DCDC2C: variants seen among roughly 807,000 people sequenced by gnomAD.
DCDC2C encodes the protein doublecortin domain containing 2C, also known as doublecortin domain-containing protein 2C.
Under a neutral mutation model 45.0 loss-of-function variants are expected in DCDC2C, and 44 were observed. The observed-to-expected ratio is 0.98, with a 90% CI of 0.77 to 1.26. The LOEUF (loss-of-function observed/expected upper bound fraction) is 1.26, where lower values mean the gene tolerates loss of function less well. Among genes scored for constraint, DCDC2C ranks in the 50% most tolerant of loss-of-function variants. The probability of loss-of-function intolerance (pLI) is 0.00; values close to 1 mark genes in which losing one functional copy is unlikely to be tolerated. For synonymous variants in DCDC2C, 187 were observed against 178.8 expected (o/e 1.05, Z -0.37); for missense variants, 447 against 468.9 (o/e 0.95, Z 0.43).
At chr2:3,836,582 G>A (rs566187899) in intron 10 of DCDC2C, among the ~76,000 whole-genome samples, 1 of 152,122 alleles carries the variant, frequency 6.6e-6, no homozygotes, top group South Asian at 2.1e-4. Flanking sequence ...ACACTGGTCG[G>A]CGGGGCGCGG....
chr2:3,704,147 G>T, intron 1 of DCDC2C, 109 bp downstream of exon 1: 7 of 1,036,176 alleles, frequency 6.8e-6, no homozygotes, highest in Non-Finnish European at 7.4e-6. Flanking sequence ...TTCCCTCCCG[G>T]CTCGGGCGCC....
intron 3 of DCDC2C, among the ~76,000 whole-genome samples, chr2:3,738,658 T>C (rs981474548): frequency 6.7e-6 from 1 of 150,276 alleles, no homozygotes; most frequent in Non-Finnish European, 1.5e-5. Context: ...GGATGGGCCA[T>C]GCGTGATCAG....
At chr2:3,843,559 T>TA (rs1368980001) in intron 10 of DCDC2C, among the ~76,000 whole-genome samples, 1 of 152,246 alleles carries the variant, frequency 6.6e-6, no homozygotes, top group Admixed American at 6.5e-5. Flanking sequence ...AAGGTAATGT[T>TA]AGCATCAGGA....
At chr2:3,785,122 T>C (rs1477216255) in intron 10 of DCDC2C, 22 bp downstream of exon 10, 1 of 1,231,500 alleles carries the variant, frequency 8.1e-7, no homozygotes, top group Non-Finnish European at 1.0e-6. Flanking sequence ...CAACAAATGC[T>C]GTAGTTTTGC....
chr2:3,826,087 A>G (rs1671808692), intron 10 of DCDC2C, among the ~76,000 whole-genome samples: 1 of 152,226 alleles, frequency 6.6e-6, no homozygotes, highest in Non-Finnish European at 1.5e-5. Flanking sequence ...ATAGAAATTT[A>G]TATATTCTGT....
chr2:3,788,063 T>C (rs1228461853), intron 10 of DCDC2C, among the ~76,000 whole-genome samples: 4 of 152,264 alleles, frequency 2.6e-5, no homozygotes, highest in Non-Finnish European at 5.9e-5. Flanking sequence ...TGTTGCTTCC[T>C]GGATGTCATC....
chr2:3,816,802 C>T (rs531883794), intron 10 of DCDC2C, among the ~76,000 whole-genome samples: 1 of 152,154 alleles, frequency 6.6e-6, no homozygotes, highest in Non-Finnish European at 1.5e-5. Flanking sequence ...GGCAAATCCC[C>T]AAACTTGATG....
chr2:3,733,922 G>A (rs1029672325), intron 3 of DCDC2C, among the ~76,000 whole-genome samples: 9 of 152,198 alleles, frequency 5.9e-5, no homozygotes, highest in South Asian at 2.1e-4. Flanking sequence ...TAGAAACCAC[G>A]TGGGTTCCTC....
chr2:3,832,474 G>A (rs941262023), intron 10 of DCDC2C, among the ~76,000 whole-genome samples: 6 of 152,140 alleles, frequency 3.9e-5, no homozygotes, highest in Non-Finnish European at 7.4e-5. Context: ...GAGAGTGTTG[G>A]GTGCTCTGAG....
intron 8 of DCDC2C, among the ~76,000 whole-genome samples, chr2:3,769,947 A>G (rs1382705426): frequency 6.6e-6 from 1 of 152,164 alleles, no homozygotes; most frequent in African/African-American, 2.4e-5. Flanking sequence ...GCACTGGTGC[A>G]TGGTGGATGC....
At chr2:3,844,345 C>A (rs1672278221) in intron 10 of DCDC2C, 1 of 152,152 alleles carries the variant, frequency 6.6e-6, no homozygotes, top group Admixed American at 6.6e-5. Flanking sequence ...CGCCGGAGTC[C>A]CCCACACAGC....
At chr2:3,742,471 A>G (rs1262958013) in intron 4 of DCDC2C, among the ~76,000 whole-genome samples, 1 of 152,104 alleles carries the variant, frequency 6.6e-6, no homozygotes, top group Non-Finnish European at 1.5e-5. Context: ...GCCATGGGAC[A>G]GAAGAGCATG....
intron 10 of DCDC2C, among the ~76,000 whole-genome samples, chr2:3,794,805 A>G (rs946047460): frequency 1.3e-5 from 2 of 152,174 alleles, no homozygotes; most frequent in African/African-American, 4.8e-5. Context: ...TGCTATTGTG[A>G]ATAATGCCTC....
intron 10 of DCDC2C, among the ~76,000 whole-genome samples, chr2:3,809,959 G>A (rs1189661777): frequency 6.6e-6 from 1 of 152,100 alleles, no homozygotes; most frequent in Non-Finnish European, 1.5e-5. Flanking sequence ...TTCCTTGGTG[G>A]ATATGTACCA....
rs996527056 is a variant in DCDC2C at position 3,741,962 on chromosome 2, C to A, written c.459C>A (p.Ile153=). Reference sequence around the variant, plus strand: ...GATTATTTATTCCACCTGCAAAAATCATTATACCCAAATTTAGTCTGTCCG... The same window carrying A: ...GATTATTTATTCCACCTGCAAAAATAATTATACCCAAATTTAGTCTGTCCG... ...NGRLFIPPAK[I]IIPKFSLSDW... is the part of the protein sequence containing the mutation. The change falls in exon 4 of 11, where the codon ATC becomes ATA. Residue 153 remains isoleucine, a synonymous_variant. Coordinates refer to ENST00000399143, the MANE Select transcript of DCDC2C (RefSeq NM_001287444.2). 8.4e-6 allele frequency: 13 copies of A among 1,548,614 alleles called. No individual in the cohort carries two copies. Among genetic ancestry groups the A allele is most frequent in the Non-Finnish European group, 1.1e-5 (13 of 1,146,332 alleles).
chr2:3,836,885 T>G (rs531936733), intron 10 of DCDC2C, among the ~76,000 whole-genome samples: 3 of 149,744 alleles, frequency 2.0e-5, no homozygotes, highest in Non-Finnish European at 4.4e-5. Context: ...AAGAGTACAC[T>G]GGTCTTCTCT....
chr2:3,730,416 G>A (rs947897130), intron 3 of DCDC2C, among the ~76,000 whole-genome samples: 18 of 152,120 alleles, frequency 1.2e-4, no homozygotes, highest in African/African-American at 4.1e-4. Flanking sequence ...CTATTGTGTC[G>A]GATTGCCACT....
intron 5 of DCDC2C, 96 bp downstream of exon 5, chr2:3,752,996 T>A: frequency 7.7e-7 from 1 of 1,295,670 alleles, no homozygotes; most frequent in Non-Finnish European, 1.0e-6. Flanking sequence ...AGCTATTGGT[T>A]ATTTTTCAGT....
chr2:3,723,944 C>A (rs1668563818), intron 2 of DCDC2C, among the ~76,000 whole-genome samples: 2 of 152,072 alleles, frequency 1.3e-5, no homozygotes, highest in African/African-American at 2.4e-5. Context: ...AGCCCCCCTT[C>A]CCCCTTCTCT....
Sources: allele counts gnomAD v4.1 joint callset (sites outside exome capture counted in the v4.1 genomes callset), GRCh38; gene constraint gnomAD v4.1.1; transcripts MANE v1.5; gene names NCBI Gene and HGNC (gene_info 2026-07-23, HGNC 2026-07-21).